The following ARFGAP3 variants were observed in gnomAD, a reference collection of about 807,000 sequenced individuals.
The protein encoded by ARFGAP3 is ARF GTPase activating protein 3, also known as ADP-ribosylation factor GTPase-activating protein 3.
Under a neutral mutation model 75.0 loss-of-function variants are expected in ARFGAP3, and 72 were observed. That is an observed-to-expected ratio of 0.96 (90% confidence interval 0.79 to 1.17). The LOEUF (loss-of-function observed/expected upper bound fraction) is 1.17, where lower values mean the gene tolerates loss of function less well. Among genes scored for constraint, ARFGAP3 ranks in the 50% most tolerant of loss-of-function variants. The pLI is 0.00. For missense variants in ARFGAP3, 620 were observed against 626.6 expected, an observed-to-expected ratio of 0.99 and a Z score of 0.11; for synonymous variants, 221 against 217.9, an observed-to-expected ratio of 1.01 and a Z score of -0.13.
chr22:42,810,489 A>C (rs1251505814), intron 12 of ARFGAP3, among the ~76,000 whole-genome samples: 6 of 151,478 alleles, frequency 4.0e-5, no homozygotes, highest in Admixed American at 3.3e-4. Context: ...CAAAACAAAA[A>C]AACAAAATCA....
At chr22:42,834,123 T>C in intron 5 of ARFGAP3, 119 bp downstream of exon 5, 1 of 896,834 alleles carries the variant, frequency 1.1e-6, no homozygotes, top group Non-Finnish European at 1.7e-6. Context: ...TCTTCAGTAG[T>C]TATGTTTCAG....
intron 4 of ARFGAP3, 141 bp from the exon 5 acceptor site, chr22:42,834,466 G>A (rs1236695045): frequency 3.5e-6 from 5 of 1,427,374 alleles, no homozygotes; most frequent in Admixed American, 3.0e-5. Context: ...CATCCCTACA[G>A]AGGACCTCTG....
At chr22:42,805,050 A>C (rs551600330) in intron 14 of ARFGAP3, among the ~76,000 whole-genome samples, 2 of 152,286 alleles carry the variant, frequency 1.3e-5, no homozygotes, top group South Asian at 4.1e-4. Context: ...AGGTTTGCTC[A>C]AGGCCCGGAG....
chr22:42,817,353 A>G (rs565504590), intron 10 of ARFGAP3, 89 bp from the exon 11 acceptor site: 1 of 1,491,116 alleles, frequency 6.7e-7, no homozygotes, highest in Non-Finnish European at 8.9e-7. Context: ...TGTTTTGAAC[A>G]AAGACAAATG....
intron 8 of ARFGAP3, 60 bp downstream of exon 8, chr22:42,823,596 G>T: frequency 8.2e-7 from 1 of 1,226,210 alleles, no homozygotes; most frequent in Non-Finnish European, 1.1e-6. Flanking sequence ...ATGACGAAGC[G>T]GCTTTTTAGT....
intron 3 of ARFGAP3, among the ~76,000 whole-genome samples, chr22:42,837,555 G>A (rs1397080656): frequency 6.7e-6 from 1 of 149,546 alleles, no homozygotes; most frequent in African/African-American, 2.5e-5. Context: ...AGGAAGTTGA[G>A]GCTGCAGTGA....
intron 1 of ARFGAP3, 101 bp from the exon 2 acceptor site, chr22:42,847,733 A>C: frequency 7.3e-7 from 1 of 1,376,116 alleles, no homozygotes; most frequent in Non-Finnish European, 9.5e-7. Context: ...TTTAACCTTT[A>C]CAATGTAAAC....
At chr22:42,814,904 T>C (rs974223248) in intron 11 of ARFGAP3, among the ~76,000 whole-genome samples, 1 of 152,114 alleles carries the variant, frequency 6.6e-6, no homozygotes, top group Non-Finnish European at 1.5e-5. Flanking sequence ...TAGGCTAATA[T>C]TTTTGAAATT....
intron 2 of ARFGAP3, among the ~76,000 whole-genome samples, chr22:42,846,787 C>G (rs911227961): frequency 6.6e-6 from 1 of 152,216 alleles, no homozygotes; most frequent in African/African-American, 2.4e-5. Flanking sequence ...TTCCCCTTCT[C>G]CCATGAGTCT....
At chr22:42,804,220 C>CT (rs746454323) in intron 14 of ARFGAP3, among the ~76,000 whole-genome samples, 11 of 150,012 alleles carry the variant, frequency 7.3e-5, no homozygotes, top group Admixed American at 1.3e-4. Context: ...TTTTCCTTTT[C>CT]TTTTTTTTGA....
chr22:42,856,817 A>G (rs1219214220), intron 1 of ARFGAP3, among the ~76,000 whole-genome samples: 1 of 151,034 alleles, frequency 6.6e-6, no homozygotes, highest in African/African-American at 2.4e-5. Context: ...CTCCGCTCAG[A>G]GCCGCCGGTG....
chr22:42,828,920 A>G (rs187005387), intron 6 of ARFGAP3, among the ~76,000 whole-genome samples: 2 of 152,194 alleles, frequency 1.3e-5, no homozygotes, highest in Admixed American at 6.5e-5. Context: ...CCTGGCCTCT[A>G]GTGATCCACC....
chr22:42,855,372 T>C (rs1264759412), intron 1 of ARFGAP3, among the ~76,000 whole-genome samples: 3 of 152,174 alleles, frequency 2.0e-5, no homozygotes, highest in Admixed American at 2.0e-4. Context: ...ACCCACTCTT[T>C]ATAAACACAT....
Position 42,817,206 on chromosome 22 carries a change from T to A in ARFGAP3, c.1000A>T (p.Met334Leu). 6.2e-7 allele frequency: 1 copy of A among 1,613,780 alleles called. No homozygotes were observed. Among genetic ancestry groups the A allele is most frequent in the Non-Finnish European group, 8.5e-7 (1 of 1,179,830 alleles). ...MQTIEQESPI[M>L]AKPRKKYNDD... is the part of the protein sequence containing the mutation. ...TTATACTTTTTTCTTGGTTTTGCCA[T>A]AATGGGTGATTCCTGCTCTATGGTC... Residue 334 changes from methionine to leucine, a missense_variant, in exon 11 of 16, where the codon ATG becomes TTG. Physicochemically the swap from Met to Leu is conservative, Grantham distance 15. Coordinates refer to ENST00000263245, the MANE Select transcript of ARFGAP3 (RefSeq NM_014570.5).
At chr22:42,848,848 C>CA (rs1297868873) in intron 1 of ARFGAP3, among the ~76,000 whole-genome samples, 1 of 152,220 alleles carries the variant, frequency 6.6e-6, no homozygotes, top group Non-Finnish European at 1.5e-5. Context: ...CCAAGGTGAT[C>CA]TGTGTGTCTA....
rs1451425381 is a variant in ARFGAP3, at chr22:42,824,463, C to T, written c.626-761G>A. Reference sequence around the variant, plus strand: ...CATTGAACTCCTGTATTCAAGTGATCCTCTCGTCTCAGCCTCCCTAGTAGC... The same window carrying T: ...CATTGAACTCCTGTATTCAAGTGATTCTCTCGTCTCAGCCTCCCTAGTAGC... On this transcript the variant is annotated intron_variant, in intron 7 of 15. Transcript: ENST00000263245. Among the ~76,000 whole-genome samples the T allele has an allele frequency of 3.3e-5, 5 of 151,572 alleles. No homozygotes were observed. In the South Asian group the frequency reaches 1.0e-3, roughly 32 times the overall value.
intron 14 of ARFGAP3, among the ~76,000 whole-genome samples, chr22:42,806,829 C>G (rs1309770502): frequency 6.6e-6 from 1 of 152,196 alleles, no homozygotes; most frequent in Non-Finnish European, 1.5e-5. Context: ...AAACACTCCT[C>G]TATGACAGTG....
Position 42,809,864 on chromosome 22 carries a change from C to T in ARFGAP3, c.1196+949G>A, listed in dbSNP as rs1394970933. ...TAAAAATACAAAAGAATTAGCCAGG[C>T]GTGGTGGCGGGCGCCTGTAGTCCCA... On this transcript the variant is annotated intron_variant, in intron 12 of 15. Transcript: ENST00000263245. Among the ~76,000 whole-genome samples the T allele has an allele frequency of 9.9e-5, 15 of 151,818 alleles. 1 individual carries two copies. Among genetic ancestry groups the T allele is most frequent in the East Asian group, 5.8e-4 (3 of 5,152 alleles).
chr22:42,831,275 A>G (rs1926272663), intron 6 of ARFGAP3, among the ~76,000 whole-genome samples: 1 of 150,214 alleles, frequency 6.7e-6, no homozygotes, highest in Non-Finnish European at 1.5e-5. Context: ...CTACAGAGCA[A>G]GACTTAGTCT....
Sources: allele counts gnomAD v4.1 joint callset (sites outside exome capture counted in the v4.1 genomes callset), GRCh38; gene constraint gnomAD v4.1.1; transcripts MANE v1.5; gene names NCBI Gene and HGNC (gene_info 2026-07-23, HGNC 2026-07-21).